Variants in PCDHGA2 observed in about 807,000 individuals in gnomAD.
The protein encoded by PCDHGA2 is protocadherin gamma subfamily A, 2.
In PCDHGA2, 40 loss-of-function variants were observed where a neutral mutation model predicts 59.2. The observed-to-expected ratio is 0.68, with a 90% CI of 0.52 to 0.88. The LOEUF (loss-of-function observed/expected upper bound fraction) is 0.88, where lower values mean the gene tolerates loss of function less well. Ranked by LOEUF, PCDHGA2 falls within the 40% of genes least tolerant of loss-of-function variation. The pLI is 0.00. For missense variants in PCDHGA2, 1,226 were observed against 1,204.0 expected, an observed-to-expected ratio of 1.02 and a Z score of -0.27; for synonymous variants, 560 against 526.0, an observed-to-expected ratio of 1.06 and a Z score of -0.89.
chr5:141,432,413 G>C lies in PCDHGA2; in HGVS notation c.2425-62394G>C, dbSNP rs369816901. 9 of 1,614,114 alleles carry C rather than the reference G, an allele frequency of 5.6e-6. No homozygotes were observed. The highest frequency in any genetic ancestry group is 1.3e-5 in the African/African-American group (1 of 74,946). ...CAGCAACGTGTCGTTGAGCCTGTTCGTGCTGGACCAGAACGACAATGCGCC... is the reference window on the plus strand; with the variant it reads ...CAGCAACGTGTCGTTGAGCCTGTTCCTGCTGGACCAGAACGACAATGCGCC... On this transcript the variant is annotated intron_variant, in intron 1 of 3. Coordinates refer to ENST00000394576, the MANE Select transcript of PCDHGA2 (RefSeq NM_018915.4). This position sits in a 1 kb window ranked among gnomAD's most constrained non-coding sequence, Gnocchi z 6.0.
chr5:141,486,869 C>G lies in PCDHGA2; in HGVS notation c.2425-7938C>G. On this transcript the variant is annotated intron_variant, in intron 1 of 3. Transcript: ENST00000394576. This position sits in a 1 kb window ranked among gnomAD's most constrained non-coding sequence, Gnocchi z 5.0. ...CCTCAATGACAATGCTCCAGCTGTG[C>G]TCCGTCCTCGGGCCCGGCCTGGTTC... The G allele has an allele frequency of 6.2e-7, 1 of 1,614,246 alleles. No homozygotes were observed. The highest frequency in any genetic ancestry group is 8.5e-7 in the Non-Finnish European group (1 of 1,180,042).
At chr5:141,355,300 T>A (rs1193183986) in intron 1 of PCDHGA2, 2 of 1,613,914 alleles carry the variant, frequency 1.2e-6, no homozygotes, top group Non-Finnish European at 8.5e-7. Flanking sequence ...GATTCTCTAC[T>A]CGGTGTTTGA....
At chr5:141,434,980 CTA>C in intron 1 of PCDHGA2, among the ~76,000 whole-genome samples, 1 of 151,954 alleles carries the variant, frequency 6.6e-6, no homozygotes, top group East Asian at 1.9e-4. Flanking sequence ...TGTTAATACT[CTA>C]TATCATTTTC....
At chr5:141,501,402 G>T (rs527659990) in intron 2 of PCDHGA2, among the ~76,000 whole-genome samples, 1 of 151,622 alleles carries the variant, frequency 6.6e-6, no homozygotes, top group African/African-American at 2.4e-5. Context: ...ACAGGCCACT[G>T]CTTGGAAAAT....
chr5:141,498,045 A>G (rs1368474174), intron 2 of PCDHGA2, among the ~76,000 whole-genome samples: 4 of 152,256 alleles, frequency 2.6e-5, no homozygotes, highest in Non-Finnish European at 4.4e-5. Flanking sequence ...AATTACAAAA[A>G]TAAATGTGAG....
intron 1 of PCDHGA2, among the ~76,000 whole-genome samples, chr5:141,463,999 C>A (rs1261262637): frequency 1.3e-5 from 2 of 152,056 alleles, no homozygotes; most frequent in African/African-American, 4.8e-5. Flanking sequence ...GGTGCAGTGG[C>A]TCATGCTTGT....
rs538474552 is a variant in PCDHGA2, at chr5:141,415,070, C to T, written c.2424+73675C>T. The T allele has an allele frequency of 2.0e-5, 32 of 1,613,398 alleles. No homozygotes were observed. The African/African-American group carries it at 3.9e-4, about 19-fold the overall frequency. On this transcript the variant is annotated intron_variant, in intron 1 of 3. Transcript: ENST00000394576. Reference sequence around the variant, plus strand: ...GGGGAGCACACGGGCGAGGTGCGCACGGCGCGAGCCCTGCTGGACAGAGAC... The same window carrying T: ...GGGGAGCACACGGGCGAGGTGCGCATGGCGCGAGCCCTGCTGGACAGAGAC...
chr5:141,421,243 C>A (rs201273667), intron 1 of PCDHGA2: 1 of 1,601,658 alleles, frequency 6.2e-7, no homozygotes. Flanking sequence ...GAATCGGCTA[C>A]AGCGCGGGGA....
chr5:141,375,834 C>G lies in PCDHGA2; in HGVS notation c.2424+34439C>G, dbSNP rs1167436208. On this transcript the variant is annotated intron_variant, in intron 1 of 3. Transcript: ENST00000394576. ...GAGCTGGCGCCCCGCTCCGCAGAGC[C>G]CGGCTACCTGGTGACCAAGGTGGTG... is the stretch of plus-strand genomic sequence containing the variant. The G allele has an allele frequency of 2.1e-5, 34 of 1,614,138 alleles. No individual in the cohort carries two copies. The highest frequency in any genetic ancestry group is 2.7e-5 in the African/African-American group (2 of 75,080).
At chr5:141,451,302 G>A (rs1445994098) in intron 1 of PCDHGA2, among the ~76,000 whole-genome samples, 1 of 152,208 alleles carries the variant, frequency 6.6e-6, no homozygotes, top group Non-Finnish European at 1.5e-5. Context: ...GTCTTACAAG[G>A]CAGCAATTAA....
rs148995268 is a variant in PCDHGA2, at chr5:141,486,253, C to T, written c.2425-8554C>T. On this transcript the variant is annotated intron_variant, in intron 1 of 3. Coordinates refer to ENST00000394576, the MANE Select transcript of PCDHGA2 (RefSeq NM_018915.4). The surrounding 1 kb of genome is among the most constrained non-coding windows in gnomAD (Gnocchi z 5.0). The stretch of plus-strand genomic sequence containing the variant: ...TGACCTCAGAGCTTGGAACCCTCCC[C>T]GAGAGTGCAGAACCTGGCACTGTGG... 8 of 1,614,020 alleles carry T rather than the reference C, an allele frequency of 5.0e-6. No individual in the cohort carries two copies. The African/African-American group carries it at 8.0e-5, about 16-fold the overall frequency.
At chr5:141,408,818 A>G in intron 1 of PCDHGA2, 1 of 1,613,578 alleles carries the variant, frequency 6.2e-7, no homozygotes, top group South Asian at 1.1e-5. Flanking sequence ...GGAAGAACAG[A>G]GATCTCATAG....
chr5:141,357,216 G>C, intron 1 of PCDHGA2: 1 of 1,613,840 alleles, frequency 6.2e-7, no homozygotes, highest in Non-Finnish European at 8.5e-7. Flanking sequence ...CAGATGTCCT[G>C]GCTGACTTGG....
chr5:141,400,168 C>G, intron 1 of PCDHGA2: 1 of 1,614,088 alleles, frequency 6.2e-7, no homozygotes, highest in South Asian at 1.1e-5. Context: ...CTCTGACCCC[C>G]AGGCTGAGCT....
At position 141,484,932 on chromosome 5, in the gene PCDHGA2, C is replaced by T. The variant is rs1594431677; in HGVS notation, c.2425-9875C>T. On this transcript the variant is annotated intron_variant, in intron 1 of 3. Coordinates refer to ENST00000394576, the MANE Select transcript of PCDHGA2 (RefSeq NM_018915.4). ...CGCATTAACCCTGCTGCTGTTGGGA[C>T]GTTCTCTGCTCAGCCTATTGGCTGA... 1.2e-5 allele frequency: 6 copies of T among 501,356 alleles called. No individual in the cohort carries two copies. The East Asian group carries it at 1.4e-4, about 12-fold the overall frequency. 31.1% of individuals were successfully genotyped at this position (501,356 alleles called of 1,614,324 possible).
At chr5:141,460,985 ATATATATATATGTG>A (rs2099005673) in intron 1 of PCDHGA2, among the ~76,000 whole-genome samples, 1 of 91,766 alleles carries the variant, frequency 1.1e-5, no homozygotes, top group Non-Finnish European at 2.2e-5. Flanking sequence ...GTGTGTGTGT[ATATATATATATGTG>A]TATATATATA....
At chr5:141,448,000 C>T (rs1363676731) in intron 1 of PCDHGA2, among the ~76,000 whole-genome samples, 3 of 151,840 alleles carry the variant, frequency 2.0e-5, no homozygotes, top group Non-Finnish European at 4.4e-5. Flanking sequence ...GCATGAGAAT[C>T]GCTTGAACCC....
In PCDHGA2 at chr5:141,340,776, C is replaced by T. The variant is rs530918973; in HGVS notation, c.1805C>T (p.Ala602Val). The T allele has an allele frequency of 2.0e-5, 33 of 1,613,906 alleles. No homozygotes were observed. The highest frequency in any genetic ancestry group is 4.5e-5 in the East Asian group (2 of 44,844). The change falls in exon 1 of 4, where the codon GCC becomes GTC. Residue 602 changes from alanine (A) to valine (V), a missense_variant. Physicochemically the swap from Ala to Val is moderately conservative, Grantham distance 64. Transcript: ENST00000394576. Reference sequence around the variant, plus strand: ...GTGGACAGAGACTCGGGCCAGAACGCCTGGCTGTCTTACCACCTGCTCAAG... The same window carrying T: ...GTGGACAGAGACTCGGGCCAGAACGTCTGGCTGTCTTACCACCTGCTCAAG... ...VAVDRDSGQN[A>V]WLSYHLLKAS... is the part of the protein sequence containing the mutation.
intron 1 of PCDHGA2, chr5:141,377,329 A>G (rs2150108230): frequency 6.6e-6 from 1 of 152,270 alleles, no homozygotes; most frequent in South Asian, 2.1e-4. Flanking sequence ...GGTTTTAGCT[A>G]GCATGGTGGT....
Sources: gnomAD v4.1 joint callset for allele counts (sites outside exome capture counted in the v4.1 genomes callset) on GRCh38, gnomAD v4.1.1 for gene constraint, Gnocchi (gnomAD v3.1) non-coding constraint, MANE v1.5 for transcripts, NCBI Gene and HGNC (gene_info 2026-07-23, HGNC 2026-07-21) for gene names.